The following BRF2 variants were observed in gnomAD, a reference collection of about 807,000 sequenced individuals.
The protein encoded by BRF2 is BRF2 general transcription factor IIIB subunit.
Under a neutral mutation model 26.6 loss-of-function variants are expected in BRF2, and 17 were observed. That is an observed-to-expected ratio of 0.64 (90% confidence interval 0.44 to 0.96). The LOEUF is 0.96. Among genes scored for constraint, BRF2 ranks in the 40% least tolerant of loss-of-function variants. BRF2 has a pLI of 0.00. For synonymous variants in BRF2, 219 were observed against 226.6 expected, an observed-to-expected ratio of 0.97 and a Z score of 0.30; for missense variants, 515 against 537.0, an observed-to-expected ratio of 0.96 and a Z score of 0.40.
chr8:37,847,258 G>T (rs539262407), intron 2 of BRF2, 83 bp from the exon 3 acceptor site: 4 of 1,261,950 alleles, frequency 3.2e-6, no homozygotes, highest in Non-Finnish European at 4.6e-6. Flanking sequence ...GACTTACTTA[G>T]ATCTGCTAAA....
At chr8:37,847,342 C>T (rs1391027859) in intron 2 of BRF2, 167 bp from the exon 3 acceptor site, 1 of 708,860 alleles carries the variant, frequency 1.4e-6, no homozygotes, top group South Asian at 1.5e-5. Flanking sequence ...TATAGTCATT[C>T]TAAAGACACA....
At chr8:37,848,478 C>A (rs913740936) in intron 2 of BRF2, 118 bp downstream of exon 2, 19 of 863,640 alleles carry the variant, frequency 2.2e-5, no homozygotes, top group Middle Eastern at 4.6e-4. Context: ...AACTCCTGAC[C>A]TCAGGTGATC....
Position 37,844,373 on chromosome 8 carries a change from G to T in BRF2, c.*117C>A. ...TCCAACTAATGGCAGAGCCCCTCTT[G>T]GTTCCTTCAAACAAGAAAAGCAATA... On this transcript the variant is annotated 3_prime_UTR_variant, in exon 4 of 4. Coordinates refer to ENST00000220659, the MANE Select transcript of BRF2 (RefSeq NM_018310.4). The T allele has an allele frequency of 1.5e-6, 2 of 1,377,924 alleles. No individual in the cohort carries two copies. The highest frequency in any genetic ancestry group is 2.0e-6 in the Non-Finnish European group (2 of 1,003,392). The allele number at this position is 1,377,924 out of a possible 1,614,324, so 85.4% of individuals were successfully genotyped here. A position where few individuals can be genotyped will look rare whatever the true frequency, so the allele number is the denominator to read the frequency against.
Position 37,844,470 on chromosome 8 carries a change from G to A in BRF2, c.*20C>T. 1.2e-6 allele frequency: 2 copies of A among 1,607,970 alleles called. No homozygotes were observed. Among genetic ancestry groups the A allele is most frequent in the Non-Finnish European group, 1.7e-6 (2 of 1,176,856 alleles). ...TATCAAGCTGTCAGAACAGGATGAA[G>A]TGCTCCCAGTGGATATCCATCAGGG... On this transcript the variant is annotated 3_prime_UTR_variant, in exon 4 of 4. Coordinates refer to ENST00000220659, the MANE Select transcript of BRF2 (RefSeq NM_018310.4).
intron 2 of BRF2, among the ~76,000 whole-genome samples, chr8:37,847,958 ATTATTT>A (rs901253318): frequency 1.4e-5 from 2 of 145,768 alleles, no homozygotes; most frequent in African/African-American, 5.4e-5. Context: ...TATTATTATT[ATTATTT>A]TTTGAGACAG....
intron 3 of BRF2, 49 bp from the exon 4 acceptor site, chr8:37,845,262 C>A (rs755498900): frequency 6.7e-7 from 1 of 1,483,430 alleles, no homozygotes; most frequent in Non-Finnish European, 9.3e-7. Context: ...AGGGGCTGCT[C>A]TCCCACAGTG....
chr8:37,846,765 GAA>G (rs879152700), intron 3 of BRF2, 87 bp downstream of exon 3: 112 of 763,252 alleles, frequency 1.5e-4, no homozygotes, highest in Non-Finnish European at 1.8e-4. Context: ...AAGACTCCAA[GAA>G]AAAAAAAAAG....
rs1029211447 is a variant in BRF2, at chr8:37,843,760, A to G, written c.*730T>C. On this transcript the variant is annotated 3_prime_UTR_variant, in exon 4 of 4. Coordinates refer to ENST00000220659, the MANE Select transcript of BRF2 (RefSeq NM_018310.4). ...ATTAGAAGAAAAAAAAAAGCTTTGT[A>G]TTATTCTTCCACATATGCTGGCTGC... 6.6e-6 allele frequency: 1 copy of G among 152,476 alleles called. No homozygotes were observed. Among genetic ancestry groups the G allele is most frequent in the African/African-American group, 2.4e-5 (1 of 41,386 alleles). The allele number at this position is 152,476 out of a possible 1,614,324, so 9.4% of individuals were successfully genotyped here.
intron 1 of BRF2, 144 bp downstream of exon 1, chr8:37,849,486 T>G (rs916906371): frequency 1.8e-5 from 12 of 672,466 alleles, no homozygotes; most frequent in African/African-American, 1.8e-5. Flanking sequence ...CCCCATCTCC[T>G]TCAGCTCCCT....
Position 37,847,028 on chromosome 8 carries a change from C to A in BRF2, c.362G>T (p.Cys121Phe). Residue 121 changes from cysteine (C) to phenylalanine (F), a missense_variant, in exon 3 of 4, where the codon TGC becomes TTC. Coordinates refer to ENST00000220659, the MANE Select transcript of BRF2 (RefSeq NM_018310.4). Reference sequence around the variant, plus strand: ...ATGCTGTCGGCAGGTGATTAAGACGCAGCACCCAACCAACACCTCCTTCTT... The same window carrying A: ...ATGCTGTCGGCAGGTGATTAAGACGAAGCACCCAACCAACACCTCCTTCTT... ...LQKKEVLVGC[C>F]VLITCRQHNW... 6.2e-7 allele frequency: 1 copy of A among 1,614,208 alleles called. No individual in the cohort carries two copies. The highest frequency in any genetic ancestry group is 8.5e-7 in the Non-Finnish European group (1 of 1,180,034).
At position 37,849,668 on chromosome 8, in the gene BRF2, AC is replaced by A. The variant is rs757254105; in HGVS notation, c.115del (p.Val39SerfsTer15). On this transcript the variant is annotated frameshift_variant, in exon 1 of 4. Transcript: ENST00000220659. LOFTEE classifies it high-confidence loss of function. ...SDCGCVVTEG[V>X]LTTTFSDEGN... Reference sequence around the variant, plus strand: ...CTCGTCGCTGAAGGTAGTGGTAAGGACCCCCTCGGTGACCACGCAGCCGCAG... The same window carrying A: ...CTCGTCGCTGAAGGTAGTGGTAAGGACCCCTCGGTGACCACGCAGCCGCAG... 29 of 1,612,898 alleles carry A rather than the reference AC, an allele frequency of 1.8e-5. No individual in the cohort carries two copies. The highest frequency in any genetic ancestry group is 3.3e-5 in the South Asian group (3 of 91,032).
rs140387530 is a variant in BRF2, at chr8:37,845,064, G to A, written c.686C>T (p.Ala229Val). 264 of 1,613,786 alleles carry A rather than the reference G, an allele frequency of 1.6e-4. No homozygotes were observed. The highest frequency in any genetic ancestry group is 2.1e-4 in the Non-Finnish European group (244 of 1,180,034). Residue 229 changes from alanine to valine, a missense_variant, in exon 4 of 4, where the codon GCG becomes GTG. By Grantham distance (64) the Ala-to-Val change is moderately conservative. Coordinates refer to ENST00000220659, the MANE Select transcript of BRF2 (RefSeq NM_018310.4). ...GRHPLPVITA[A>V]TFLAWQSLQP... is the part of the protein sequence containing the mutation. ...CAGCGACTGCCAAGCCAGGAAAGTC[G>A]CAGCAGTGATGACGGGCAAGGGATG... is the stretch of plus-strand genomic sequence containing the variant.
Position 37,843,382 on chromosome 8 carries a change from A to G in BRF2, c.*1108T>C, listed in dbSNP as rs1000640594. ...CTCCACAGTAGAGAGAAACCTACAAAATGTCAAACCAGCTTCCCGACTCCC... is the reference window on the plus strand; with the variant it reads ...CTCCACAGTAGAGAGAAACCTACAAGATGTCAAACCAGCTTCCCGACTCCC... On this transcript the variant is annotated 3_prime_UTR_variant, in exon 4 of 4. Coordinates refer to ENST00000220659, the MANE Select transcript of BRF2 (RefSeq NM_018310.4). The G allele has an allele frequency of 2.6e-5, 4 of 152,396 alleles. No individual in the cohort carries two copies. In the East Asian group the frequency reaches 7.7e-4, roughly 29 times the overall value. 9.4% of individuals were successfully genotyped at this position (152,396 alleles called of 1,614,324 possible).
In BRF2 at chr8:37,844,997, A is replaced by G; in HGVS notation, c.753T>C (p.Cys251=). ...AGGGCAGGTCCACATTTGCCAATTT[A>G]CAAAATCGGGCAAGGGAACATGAAA... The part of the protein sequence containing the change: ...DRLSCSLARF[C]KLANVDLPYP... The change falls in exon 4 of 4, where the codon TGT becomes TGC. Residue 251 remains cysteine (C), a synonymous_variant. Coordinates refer to ENST00000220659, the MANE Select transcript of BRF2 (RefSeq NM_018310.4). 6.2e-7 allele frequency: 1 copy of G among 1,613,966 alleles called. No homozygotes were observed. The highest frequency in any genetic ancestry group is 8.5e-7 in the Non-Finnish European group (1 of 1,179,982).
At position 37,844,121 on chromosome 8, in the gene BRF2, A is replaced by G; in HGVS notation, c.*369T>C. The G allele has an allele frequency of 4.2e-6, 1 of 235,734 alleles. No homozygotes were observed. Among genetic ancestry groups the G allele is most frequent in the South Asian group, 7.8e-5 (1 of 12,756 alleles). The allele number at this position is 235,734 out of a possible 1,614,324, so 14.6% of individuals were successfully genotyped here. A position where few individuals can be genotyped will look rare whatever the true frequency, so the allele number is the denominator to read the frequency against. ...GAGGGTTGATACTGCTGGGAATGCC[A>G]ACCACTCCACAAGCAGAGGGAAGCC... On this transcript the variant is annotated 3_prime_UTR_variant, in exon 4 of 4. Transcript: ENST00000220659.
rs936575626 is a variant in BRF2, at chr8:37,849,821, A to G, written c.-38T>C. On this transcript the variant is annotated 5_prime_UTR_variant, in exon 1 of 4. Transcript: ENST00000220659. ...CCCAAAGCCGCGGAAGCCTTCAGAGACTCCTGGGTCTGCAACAGCAACCGT... is the reference window on the plus strand; with the variant it reads ...CCCAAAGCCGCGGAAGCCTTCAGAGGCTCCTGGGTCTGCAACAGCAACCGT... 3.2e-6 allele frequency: 5 copies of G among 1,567,106 alleles called. No homozygotes were observed. In the African/African-American group the frequency reaches 6.8e-5, roughly 21 times the overall value.
At chr8:37,846,541 G>A (rs772359791) in intron 3 of BRF2, among the ~76,000 whole-genome samples, 3 of 152,118 alleles carry the variant, frequency 2.0e-5, no homozygotes, top group South Asian at 2.1e-4. Context: ...GATCACCTGA[G>A]GTCAGGAGTT....
At position 37,844,627 on chromosome 8, in the gene BRF2, CAG is replaced by C. The variant is rs750695388; in HGVS notation, c.1121_1122del (p.Pro374ArgfsTer8). 3.9e-5 allele frequency: 63 copies of C among 1,614,002 alleles called. No individual in the cohort carries two copies. The highest frequency in any genetic ancestry group is 1.6e-4 in the Middle Eastern group (1 of 6,084). ...KSPKRICPVP[P>X]VSTVTGDENI... is the part of the protein sequence containing the mutation. Reference sequence around the variant, plus strand: ...TTCTCATCTCCAGTGACAGTGGAGACAGGGGGTACAGGGCAGATCCGCTTCGG... The same window carrying C: ...TTCTCATCTCCAGTGACAGTGGAGACGGGGTACAGGGCAGATCCGCTTCGG... On this transcript the variant is annotated frameshift_variant, in exon 4 of 4. Transcript: ENST00000220659. LOFTEE classifies it high-confidence loss of function.
rs534813412 is a variant in BRF2 at position 37,848,959 on chromosome 8, A to G, written c.155-304T>C. Among the ~76,000 whole-genome samples the G allele has an allele frequency of 9.9e-5, 15 of 152,284 alleles. No individual in the cohort carries two copies. In the East Asian group the frequency reaches 1.5e-3, roughly 16 times the overall value. On this transcript the variant is annotated intron_variant, in intron 1 of 3. Transcript: ENST00000220659. ...TTGTTTGTTTAAGGAGTTTCCCTCT[A>G]TAGTCCAGGCTGGAGCACAGTGGTG...
Sources: gnomAD v4.1 joint callset for allele counts (sites outside exome capture counted in the v4.1 genomes callset) on GRCh38, gnomAD v4.1.1 for gene constraint, MANE v1.5 for transcripts, NCBI Gene and HGNC (gene_info 2026-07-23, HGNC 2026-07-21) for gene names.